The following POFUT3 variants were observed in gnomAD, a reference collection of about 807,000 sequenced individuals.
POFUT3 encodes the protein GDP-fucose protein O-fucosyltransferase 3.
At chr8:33,447,143 T>C in the POFUT3 span, among the ~76,000 whole-genome samples, 2 of 152,160 alleles carry the variant, frequency 1.3e-5, no homozygotes, top group African/African-American at 4.8e-5. Context: ...CATCGGGTCA[T>C]GGAGGACTAC....
chr8:33,335,765 A>C, the POFUT3 span, among the ~76,000 whole-genome samples: 1 of 152,218 alleles, frequency 6.6e-6, no homozygotes, highest in Non-Finnish European at 1.5e-5. Context: ...AGTCAGCTAG[A>C]AAAAGAAAAT....
At chr8:33,444,264 T>C in the POFUT3 span, among the ~76,000 whole-genome samples, 8 of 151,754 alleles carry the variant, frequency 5.3e-5, no homozygotes, top group Non-Finnish European at 8.8e-5. Flanking sequence ...CTGACCGGTG[T>C]AAAGGAGTAA....
the POFUT3 span, among the ~76,000 whole-genome samples, chr8:33,422,811 T>G: frequency 1.4e-4 from 22 of 151,968 alleles, no homozygotes; most frequent in African/African-American, 4.1e-4. Flanking sequence ...ATAGTTATAT[T>G]CCAGGTCAGA....
the POFUT3 span, among the ~76,000 whole-genome samples, chr8:33,396,268 G>C: frequency 6.6e-6 from 1 of 152,126 alleles, no homozygotes; most frequent in Non-Finnish European, 1.5e-5. Flanking sequence ...TATTCATTCT[G>C]TATAACCTTC....
At chr8:33,391,309 G>A in the POFUT3 span, among the ~76,000 whole-genome samples, 1 of 152,228 alleles carries the variant, frequency 6.6e-6, no homozygotes, top group African/African-American at 2.4e-5. Flanking sequence ...CAGAGAAATT[G>A]CTGAAGAAAG....
At chr8:33,392,918 T>C in the POFUT3 span, among the ~76,000 whole-genome samples, 218 of 152,110 alleles carry the variant, frequency 1.4e-3, no homozygotes, top group Non-Finnish European at 2.4e-3. Context: ...GAGGCAGAGG[T>C]TTCAGTGACC....
At chr8:33,392,724 C>T in the POFUT3 span, among the ~76,000 whole-genome samples, 2 of 151,788 alleles carry the variant, frequency 1.3e-5, no homozygotes, top group African/African-American at 2.4e-5. Context: ...TGGCTCACAC[C>T]TGTAATCCCA....
At chr8:33,403,356 A>G in the POFUT3 span, among the ~76,000 whole-genome samples, 1 of 151,998 alleles carries the variant, frequency 6.6e-6, no homozygotes, top group Non-Finnish European at 1.5e-5. Flanking sequence ...TCAGCTCACT[A>G]CTGATGAGTA....
chr8:33,368,607 G>C, the POFUT3 span, among the ~76,000 whole-genome samples: 1 of 152,140 alleles, frequency 6.6e-6, no homozygotes, highest in Non-Finnish European at 1.5e-5. Context: ...AAGACCTACA[G>C]ATCTAGGCAT....
At chr8:33,381,951 C>A in the POFUT3 span, among the ~76,000 whole-genome samples, 2 of 152,032 alleles carry the variant, frequency 1.3e-5, no homozygotes, top group Admixed American at 6.6e-5. Context: ...CAATAATGCC[C>A]GAATCAGAGC....
At chr8:33,327,092 G>T in the POFUT3 span, among the ~76,000 whole-genome samples, 39,640 of 152,070 alleles carry the variant, frequency 0.26, 5,521 homozygotes, top group South Asian at 0.5. Flanking sequence ...CCTACCTTTT[G>T]GTCCCCTTCT....
the POFUT3 span, among the ~76,000 whole-genome samples, chr8:33,316,572 A>AAAAGAAAG: frequency 2.9e-4 from 38 of 130,698 alleles, no homozygotes; most frequent in African/African-American, 1.1e-3. Flanking sequence ...ACTACAAAAA[A>AAAAGAAAG]AAAGAAAGAA....
chr8:33,403,333 G>C, the POFUT3 span, among the ~76,000 whole-genome samples: 2 of 152,040 alleles, frequency 1.3e-5, no homozygotes, highest in South Asian at 4.2e-4. Context: ...GACTGAGTAA[G>C]AAAATACTGA....
At chr8:33,335,225 G>T in the POFUT3 span, among the ~76,000 whole-genome samples, 1 of 151,526 alleles carries the variant, frequency 6.6e-6, no homozygotes, top group African/African-American at 2.4e-5. Context: ...TTGCAGCACA[G>T]TAATGAAATG....
At chr8:33,466,492 G>A in the POFUT3 span, among the ~76,000 whole-genome samples, 1 of 151,364 alleles carries the variant, frequency 6.6e-6, no homozygotes, top group Non-Finnish European at 1.5e-5. Flanking sequence ...TGGAAGGAGA[G>A]AGAAAAGAAG....
chr8:33,406,451 A>G, the POFUT3 span, among the ~76,000 whole-genome samples: 1 of 151,982 alleles, frequency 6.6e-6, no homozygotes, highest in South Asian at 2.1e-4. Context: ...CTTCTTTTTT[A>G]TTTTTTGAGA....
the POFUT3 span, among the ~76,000 whole-genome samples, chr8:33,323,768 C>CT: frequency 3.3e-5 from 5 of 152,100 alleles, no homozygotes; most frequent in Admixed American, 6.6e-5. Context: ...AGTGAAGTAA[C>CT]TTTTTTTACT....
At chr8:33,379,969 A>C in the POFUT3 span, among the ~76,000 whole-genome samples, 11 of 104,180 alleles carry the variant, frequency 1.1e-4, no homozygotes, top group Non-Finnish European at 2.0e-4. Context: ...TATATACACT[A>C]TATATACACT....
At chr8:33,374,226 A>G in the POFUT3 span, among the ~76,000 whole-genome samples, 2 of 152,174 alleles carry the variant, frequency 1.3e-5, no homozygotes, top group African/African-American at 4.8e-5. Context: ...GTCTGTGGAA[A>G]AATTGTCTCC....
Sources: allele counts gnomAD v4.1 joint callset (sites outside exome capture counted in the v4.1 genomes callset), GRCh38; gene constraint gnomAD v4.1.1; transcripts MANE v1.5; gene names NCBI Gene and HGNC (gene_info 2026-07-23, HGNC 2026-07-21).